Variants in SESTD1 observed in about 807,000 individuals in gnomAD.
SESTD1 encodes SEC14 and spectrin domain containing 1.
A neutral mutation model predicts 101.7 loss-of-function variants in SESTD1; 43 were observed. The observed-to-expected ratio is 0.42, with a 90% CI of 0.33 to 0.55. The LOEUF is 0.55. SESTD1 is among the 20% of genes least tolerant of loss of function. The pLI is 0.07. For missense variants in SESTD1, 647 were observed against 815.1 expected, an observed-to-expected ratio of 0.79 and a Z score of 2.51; for synonymous variants, 283 against 286.8, an observed-to-expected ratio of 0.99 and a Z score of 0.13.
Position 179,107,610 on chromosome 2 carries a change from T to C in SESTD1, c.*2289A>G, listed in dbSNP as rs1050341836. 6 of 152,132 alleles carry C rather than the reference T, an allele frequency of 3.9e-5. No homozygotes were observed. Among genetic ancestry groups the C allele is most frequent in the Non-Finnish European group, 8.8e-5 (6 of 67,980 alleles). The allele number at this position is 152,132 out of a possible 1,614,324, so 9.4% of individuals were successfully genotyped here. A position where few individuals can be genotyped will look rare whatever the true frequency, so the allele number is the denominator to read the frequency against. On this transcript the variant is annotated 3_prime_UTR_variant, in exon 18 of 18. Transcript: ENST00000428443. Reference sequence around the variant, plus strand: ...TAGTTAGTATCTAAGAATCTAAGAATAGATTCACTTGTAAGTCAGTTCTAA... The same window carrying C: ...TAGTTAGTATCTAAGAATCTAAGAACAGATTCACTTGTAAGTCAGTTCTAA...
Position 179,103,858 on chromosome 2 carries a change from C to T in SESTD1, c.*6041G>A, listed in dbSNP as rs1559088758. ...ACCTCAGTGAACACATATTTCTATG[C>T]ACTTCATTGCATGCTAATTTTATGT... is the stretch of plus-strand genomic sequence containing the variant. On this transcript the variant is annotated 3_prime_UTR_variant, in exon 18 of 18. Coordinates refer to ENST00000428443, the MANE Select transcript of SESTD1 (RefSeq NM_178123.5). The T allele has an allele frequency of 6.6e-6, 1 of 152,212 alleles. No homozygotes were observed. The highest frequency in any genetic ancestry group is 1.9e-4 in the East Asian group (1 of 5,186). The allele number at this position is 152,212 out of a possible 1,614,324, so 9.4% of individuals were successfully genotyped here.
chr2:179,241,307 T>G (rs1268265713), intron 1 of SESTD1, among the ~76,000 whole-genome samples: 2 of 151,596 alleles, frequency 1.3e-5, no homozygotes, highest in Non-Finnish European at 2.9e-5. Context: ...CTTGAAGAAA[T>G]TAAGGGCTAA....
chr2:179,132,019 T>C (rs952417112), intron 10 of SESTD1: 1 of 208,440 alleles, frequency 4.8e-6, no homozygotes, highest in Non-Finnish European at 9.5e-6. Flanking sequence ...AGCTCTATTT[T>C]TGTATTATCA....
chr2:179,218,393 T>A (rs2046755945), intron 1 of SESTD1, among the ~76,000 whole-genome samples: 1 of 152,172 alleles, frequency 6.6e-6, no homozygotes, highest in South Asian at 2.1e-4. Flanking sequence ...ACTTCACTTA[T>A]CCTATTTATA....
At chr2:179,138,255 C>T (rs1430552272) in intron 9 of SESTD1, among the ~76,000 whole-genome samples, 2 of 152,072 alleles carry the variant, frequency 1.3e-5, no homozygotes, top group Non-Finnish European at 1.5e-5. Flanking sequence ...ATGTGTTTGC[C>T]AATACATTAA....
intron 4 of SESTD1, among the ~76,000 whole-genome samples, chr2:179,173,784 G>C (rs943146781): frequency 6.6e-6 from 1 of 151,770 alleles, no homozygotes; most frequent in African/African-American, 2.4e-5. Context: ...TGTCAGGATA[G>C]TATAAAAGCA....
chr2:179,256,798 C>T (rs1258263888), intron 1 of SESTD1, among the ~76,000 whole-genome samples: 2 of 130,430 alleles, frequency 1.5e-5, no homozygotes, highest in East Asian at 2.1e-4. Context: ...GGCGACAGAG[C>T]GAGACTCCAC....
At chr2:179,175,731 T>A (rs2045999996) in intron 4 of SESTD1, among the ~76,000 whole-genome samples, 1 of 152,204 alleles carries the variant, frequency 6.6e-6, no homozygotes, top group African/African-American at 2.4e-5. Flanking sequence ...CCTTTTCAAA[T>A]CATATCTTCA....
intron 12 of SESTD1, among the ~76,000 whole-genome samples, chr2:179,123,146 C>T (rs2044790888): frequency 6.6e-6 from 1 of 152,046 alleles, no homozygotes; most frequent in Non-Finnish European, 1.5e-5. Context: ...GTGCTTCCTG[C>T]TGTAGAAAAA....
intron 1 of SESTD1, among the ~76,000 whole-genome samples, chr2:179,259,089 A>G (rs902716958): frequency 6.6e-6 from 1 of 152,360 alleles, no homozygotes; most frequent in African/African-American, 2.4e-5. Context: ...GAGTCCACCA[A>G]GTAGACCTTG....
intron 1 of SESTD1, among the ~76,000 whole-genome samples, chr2:179,259,609 A>G (rs996558166): frequency 3.3e-5 from 5 of 152,162 alleles, no homozygotes; most frequent in African/African-American, 1.2e-4. Context: ...AATGGCTAAT[A>G]AACATAGGAC....
At chr2:179,149,534 A>C (rs1015881057) in intron 6 of SESTD1, 140 bp from the exon 7 acceptor site, 2 of 544,594 alleles carry the variant, frequency 3.7e-6, no homozygotes, top group Non-Finnish European at 3.1e-6. Context: ...CTACCACCAG[A>C]GCACAACAAT....
At chr2:179,229,816 C>CAA (rs1265054191) in intron 1 of SESTD1, among the ~76,000 whole-genome samples, 4 of 134,738 alleles carry the variant, frequency 3.0e-5, no homozygotes, top group Non-Finnish European at 3.2e-5. Flanking sequence ...CACACACACA[C>CAA]AACCCTACTT....
chr2:179,111,272 GAAT>G (rs2044500132), intron 17 of SESTD1, among the ~76,000 whole-genome samples: 1 of 152,262 alleles, frequency 6.6e-6, no homozygotes, highest in Middle Eastern at 3.4e-3. Context: ...TATAGACTAT[GAAT>G]AATATTATTT....
Position 179,149,396 on chromosome 2 carries a change from T to C in SESTD1, c.484-2A>G. The C allele has an allele frequency of 6.4e-7, 1 of 1,574,156 alleles. No homozygotes were observed. Among genetic ancestry groups the C allele is most frequent in the Non-Finnish European group, 8.7e-7 (1 of 1,153,418 alleles). ...TTCCTTTGTAAACTTCTCAAAAACC[T>C]ACAATATGAGTTTTATTAACATACT... On this transcript the variant is annotated splice_acceptor_variant, in intron 6 of 17. Transcript: ENST00000428443. LOFTEE classifies it high-confidence loss of function.
At chr2:179,132,846 C>T (rs1435667402) in intron 9 of SESTD1, among the ~76,000 whole-genome samples, 2 of 152,070 alleles carry the variant, frequency 1.3e-5, no homozygotes, top group African/African-American at 4.8e-5. Context: ...AAGTGACTTG[C>T]CCAAGATAAC....
rs538949278 is a variant in SESTD1, at chr2:179,258,153, T to C, written c.-26+6346A>G. ...TTCTTATATATAGCTCCAAAGTATT[T>C]TGTATTCTGCAGAAAAGATGCAACG... On this transcript the variant is annotated intron_variant, in intron 1 of 17. Transcript: ENST00000428443. Among the ~76,000 whole-genome samples, 8 of 152,332 alleles carry C rather than the reference T, an allele frequency of 5.3e-5. 1 individual carries two copies. The highest frequency in any genetic ancestry group is 1.7e-4 in the African/African-American group (7 of 41,586).
In SESTD1 at chr2:179,102,247, T is replaced by C. The variant is rs1010167108; in HGVS notation, c.*7652A>G. The C allele has an allele frequency of 6.6e-6, 1 of 152,196 alleles. No homozygotes were observed. The highest frequency in any genetic ancestry group is 6.6e-5 in the Admixed American group (1 of 15,266). The allele number at this position is 152,196 out of a possible 1,614,324, so 9.4% of individuals were successfully genotyped here. A position where few individuals can be genotyped will look rare whatever the true frequency, so the allele number is the denominator to read the frequency against. ...CACGGGAGAGGGAAGCAGAAGCCTC[T>C]GTCTTCTAAGACTCCAGGTTATTTC... is the stretch of plus-strand genomic sequence containing the variant. On this transcript the variant is annotated 3_prime_UTR_variant, in exon 18 of 18. Transcript: ENST00000428443.
At chr2:179,196,251 G>A (rs192275378) in intron 1 of SESTD1, among the ~76,000 whole-genome samples, 5 of 152,312 alleles carry the variant, frequency 3.3e-5, no homozygotes, top group Admixed American at 3.3e-4. Context: ...TTTCCGACGG[G>A]CTTAAAAAAC....
Sources: gnomAD v4.1 joint callset for allele counts (sites outside exome capture counted in the v4.1 genomes callset) on GRCh38, gnomAD v4.1.1 for gene constraint, MANE v1.5 for transcripts, NCBI Gene and HGNC (gene_info 2026-07-23, HGNC 2026-07-21) for gene names.